SLC16A1: variants seen among roughly 807,000 people sequenced by gnomAD.
SLC16A1 encodes the protein monocarboxylate transporter 1.
A neutral mutation model predicts 32.2 loss-of-function variants in SLC16A1; 11 were observed. The ratio of observed to expected loss-of-function variants is 0.34; its 90% CI spans 0.21 to 0.56. The LOEUF (loss-of-function observed/expected upper bound fraction) is 0.56, where lower values mean the gene tolerates loss of function less well. SLC16A1 is among the 20% of genes least tolerant of loss of function. The probability of loss-of-function intolerance (pLI) is 0.87; values close to 1 mark genes in which losing one functional copy is unlikely to be tolerated. For synonymous variants in SLC16A1, 231 were observed against 226.8 expected, an observed-to-expected ratio of 1.02 and a Z score of -0.17; for missense variants, 435 against 615.0, an observed-to-expected ratio of 0.71 and a Z score of 3.10.
chr1:112,938,284 T>C (rs996474262), intron 1 of SLC16A1, among the ~76,000 whole-genome samples: 4 of 152,218 alleles, frequency 2.6e-5, no homozygotes, highest in African/African-American at 7.2e-5. Context: ...CCTGAAGCTA[T>C]TGCTGCTAAA....
intron 1 of SLC16A1, 76 bp from the exon 2 acceptor site, chr1:112,929,428 A>T (rs1184272837): frequency 1.2e-6 from 1 of 843,760 alleles, no homozygotes; most frequent in East Asian, 2.6e-5. Flanking sequence ...TAAGAAATAT[A>T]GCCAATCGTG....
intron 2 of SLC16A1, among the ~76,000 whole-genome samples, chr1:112,922,547 G>A (rs1329248540): frequency 1.3e-5 from 2 of 152,026 alleles, no homozygotes; most frequent in African/African-American, 4.8e-5. Flanking sequence ...GCTGGGGCAG[G>A]TGGATCACCC....
At chr1:112,947,242 T>C (rs980989597) in intron 1 of SLC16A1, among the ~76,000 whole-genome samples, 1 of 152,254 alleles carries the variant, frequency 6.6e-6, no homozygotes, top group African/African-American at 2.4e-5. Flanking sequence ...CATTTAAATT[T>C]ATTAACACAT....
At position 112,917,040 on chromosome 1, in the gene SLC16A1, G is replaced by T; in HGVS notation, c.1228+138C>A. On this transcript the variant is annotated intron_variant, in intron 4 of 4. Coordinates refer to ENST00000369626, the MANE Select transcript of SLC16A1 (RefSeq NM_003051.4). This position sits in a 1 kb window ranked among gnomAD's most constrained non-coding sequence, Gnocchi z 4.1. ...GAGCAATTATGCTGTGCCAAGCATT[G>T]TCCCAGCATCAAGGGTACATAAATG... is the stretch of plus-strand genomic sequence containing the variant. 1.8e-6 allele frequency: 2 copies of T among 1,096,864 alleles called. No homozygotes were observed. Among genetic ancestry groups the T allele is most frequent in the Non-Finnish European group, 2.7e-6 (2 of 741,874 alleles). 67.9% of individuals were successfully genotyped at this position (1,096,864 alleles called of 1,614,324 possible).
At chr1:112,931,939 T>C (rs1352685393) in intron 1 of SLC16A1, among the ~76,000 whole-genome samples, 1 of 152,144 alleles carries the variant, frequency 6.6e-6, no homozygotes, top group African/African-American at 2.4e-5. Context: ...ATTACAGCAA[T>C]GAACACAGGT....
chr1:112,950,247 A>G (rs748662109), intron 1 of SLC16A1, among the ~76,000 whole-genome samples: 5 of 152,250 alleles, frequency 3.3e-5, no homozygotes, highest in Non-Finnish European at 5.9e-5. Context: ...ATACAGGAAC[A>G]GAAGAGCAGG....
intron 4 of SLC16A1, among the ~76,000 whole-genome samples, chr1:112,916,511 A>C (rs548542816): frequency 2.3e-4 from 35 of 151,440 alleles, no homozygotes; most frequent in African/African-American, 5.8e-4. Context: ...AAAAAAAAAA[A>C]AAAAAAAAAA....
intron 1 of SLC16A1, among the ~76,000 whole-genome samples, chr1:112,940,039 A>AT (rs55864843): frequency 0.055 from 5,966 of 108,494 alleles, 246 homozygotes; most frequent in African/African-American, 0.099. Flanking sequence ...CTGATGGGTG[A>AT]TTTTTTTTTT....
chr1:112,932,979 A>G (rs1649187822), intron 1 of SLC16A1, among the ~76,000 whole-genome samples: 1 of 152,140 alleles, frequency 6.6e-6, no homozygotes. Flanking sequence ...ACAATGAACA[A>G]TCCAAATATG....
intron 1 of SLC16A1, among the ~76,000 whole-genome samples, chr1:112,946,083 A>G (rs1412828760): frequency 3.9e-5 from 6 of 152,238 alleles, no homozygotes; most frequent in Non-Finnish European, 5.9e-5. Context: ...GTGGAAAACT[A>G]GAAATTTAGG....
chr1:112,947,621 G>T (rs2101651033), intron 1 of SLC16A1, among the ~76,000 whole-genome samples: 1 of 152,176 alleles, frequency 6.6e-6, no homozygotes, highest in Non-Finnish European at 1.5e-5. Context: ...TAAAGTTTTA[G>T]TCTCATTTTA....
At chr1:112,941,462 T>C (rs914155533) in intron 1 of SLC16A1, among the ~76,000 whole-genome samples, 1 of 152,126 alleles carries the variant, frequency 6.6e-6, no homozygotes, top group Non-Finnish European at 1.5e-5. Context: ...TTTGTATTTT[T>C]AGTAGAGACG....
chr1:112,952,647 G>C lies in SLC16A1; in HGVS notation c.-45+3388C>G, dbSNP rs566977104. ...GTAGAATTTGCTTCACAGTAATCCAGTAGGGTCTGGGGAAAGTAGATAGGG... is the reference window on the plus strand; with the variant it reads ...GTAGAATTTGCTTCACAGTAATCCACTAGGGTCTGGGGAAAGTAGATAGGG... On this transcript the variant is annotated intron_variant, in intron 1 of 4. Transcript: ENST00000369626. 1.1e-3 allele frequency among the ~76,000 whole-genome samples: 171 copies of C among 152,310 alleles called. 1 individual carries two copies. Among genetic ancestry groups the C allele is most frequent in the African/African-American group, 3.9e-3 (161 of 41,570 alleles).
At chr1:112,954,674 C>T (rs1650014009) in intron 1 of SLC16A1, among the ~76,000 whole-genome samples, 1 of 152,174 alleles carries the variant, frequency 6.6e-6, no homozygotes, top group Non-Finnish European at 1.5e-5. Context: ...AAATGCTCCT[C>T]AGATCATTAA....
chr1:112,917,029 T>A lies in SLC16A1; in HGVS notation c.1228+149A>T. On this transcript the variant is annotated intron_variant, in intron 4 of 4. Coordinates refer to ENST00000369626, the MANE Select transcript of SLC16A1 (RefSeq NM_003051.4). The surrounding 1 kb of genome is among the most constrained non-coding windows in gnomAD (Gnocchi z 4.1). ...ATTCTATATTTGAGCAATTATGCTG[T>A]GCCAAGCATTGTCCCAGCATCAAGG... 2 of 966,410 alleles carry A rather than the reference T, an allele frequency of 2.1e-6. No homozygotes were observed. The highest frequency in any genetic ancestry group is 3.2e-6 in the Non-Finnish European group (2 of 625,186). The allele number at this position is 966,410 out of a possible 1,614,324, so 59.9% of individuals were successfully genotyped here.
chr1:112,930,086 C>A (rs992988455), intron 1 of SLC16A1, among the ~76,000 whole-genome samples: 3 of 152,140 alleles, frequency 2.0e-5, no homozygotes, highest in African/African-American at 7.2e-5. Flanking sequence ...GTTCTGTGAG[C>A]CTTCCTAGCA....
At chr1:112,924,200 A>G (rs878963357) in intron 2 of SLC16A1, 1 of 1,515,090 alleles carries the variant, frequency 6.6e-7, no homozygotes, top group Non-Finnish European at 9.2e-7. Context: ...ACGGGGACGC[A>G]GTCATCCTGG....
At chr1:112,929,431 C>T (rs1649049809) in intron 1 of SLC16A1, 79 bp from the exon 2 acceptor site, 1 of 818,182 alleles carries the variant, frequency 1.2e-6, no homozygotes, top group Non-Finnish European at 2.0e-6. Flanking sequence ...GAAATATAGC[C>T]AATCGTGGTG....
At chr1:112,933,396 C>T (rs1649201602) in intron 1 of SLC16A1, among the ~76,000 whole-genome samples, 1 of 145,556 alleles carries the variant, frequency 6.9e-6, no homozygotes, top group Non-Finnish European at 1.5e-5. Flanking sequence ...GCGGAGGTTG[C>T]AGTGAGCTGA....
Sources: gnomAD v4.1 joint callset for allele counts (sites outside exome capture counted in the v4.1 genomes callset) on GRCh38, gnomAD v4.1.1 for gene constraint, Gnocchi (gnomAD v3.1) non-coding constraint, MANE v1.5 for transcripts, NCBI Gene and HGNC (gene_info 2026-07-23, HGNC 2026-07-21) for gene names.